Variants in PBRM1 observed in about 807,000 individuals in gnomAD.
PBRM1 encodes the protein polybromo 1.
Under a neutral mutation model 194.5 loss-of-function variants are expected in PBRM1, and 27 were observed. That is an observed-to-expected ratio of 0.14 (90% CI 0.10 to 0.19). PBRM1 has a LOEUF of 0.19. PBRM1 is among the 10% of genes least tolerant of loss of function. The pLI is 1.00. For synonymous variants in PBRM1, 655 were observed against 693.2 expected (o/e 0.94, Z 0.87); for missense variants, 1,466 against 2,077.2 (o/e 0.71, Z 5.72).
intron 16 of PBRM1, among the ~76,000 whole-genome samples, chr3:52,604,735 T>A (rs946083533): frequency 2.7e-5 from 4 of 150,652 alleles, no homozygotes; most frequent in African/African-American, 9.7e-5. Context: ...TTGTGGTGGC[T>A]CACACCTACA....
At chr3:52,669,878 T>C (rs1048700945) in intron 2 of PBRM1, among the ~76,000 whole-genome samples, 4 of 152,188 alleles carry the variant, frequency 2.6e-5, no homozygotes, top group Admixed American at 2.0e-4. Context: ...AGTTGACCAC[T>C]GAACTGTGCA....
chr3:52,619,955 C>A (rs1036065179), intron 13 of PBRM1, among the ~76,000 whole-genome samples: 1 of 152,172 alleles, frequency 6.6e-6, no homozygotes, highest in African/African-American at 2.4e-5. Context: ...TGCTTATTTC[C>A]TGCTCATTGT....
rs748953547 is a variant in PBRM1, at chr3:52,629,045, A to T, written c.1302-10T>A. Reference sequence around the variant, plus strand: ...ATTCTTCAGTTTTGTTCTGTGAAAGACAAAGAAATTGCTAGAATTTTCTGT... The same window carrying T: ...ATTCTTCAGTTTTGTTCTGTGAAAGTCAAAGAAATTGCTAGAATTTTCTGT... On this transcript the variant is annotated splice_polypyrimidine_tract_variant and intron_variant, in intron 11 of 29. Coordinates refer to ENST00000296302, the Ensembl canonical transcript of PBRM1. The T allele has an allele frequency of 1.3e-6, 2 of 1,578,636 alleles. No individual in the cohort carries two copies. The highest frequency in any genetic ancestry group is 1.7e-6 in the Non-Finnish European group (2 of 1,161,500).
rs1168998355 is a variant in PBRM1, at chr3:52,592,122, G to GTTT, written c.2780-2870_2780-2868dup. On this transcript the variant is annotated intron_variant, in intron 17 of 29. Coordinates refer to ENST00000296302, the Ensembl canonical transcript of PBRM1. ...TTACAGGTGTGAGCCACTGCACCAG[G>GTTT]TTTTTTTTTTTTTTTTTTTTTTAAG... Among the ~76,000 whole-genome samples, 418 of 120,268 alleles carry GTTT rather than the reference G, an allele frequency of 3.5e-3. 4 individuals carry two copies. Among genetic ancestry groups the GTTT allele is most frequent in the South Asian group, 0.016 (62 of 3,776 alleles). The allele number at this position is 120,268 out of a possible 152,430, so 78.9% of individuals were successfully genotyped here.
At chr3:52,611,225 T>C (rs1204077736) in intron 15 of PBRM1, among the ~76,000 whole-genome samples, 1 of 152,200 alleles carries the variant, frequency 6.6e-6, no homozygotes, top group Non-Finnish European at 1.5e-5. Flanking sequence ...AATCAAATAT[T>C]AGATAAGGCA....
chr3:52,576,465 C>A (rs1306385032), intron 22 of PBRM1, 76 bp downstream of exon 24: 55 of 1,155,100 alleles, frequency 4.8e-5, no homozygotes, highest in Non-Finnish European at 6.2e-5. Context: ...ACACCTAGAA[C>A]AGTGCCCCAC....
chr3:52,644,647 T>C (rs2153730492), intron 8 of PBRM1, 57 bp downstream of exon 9: 3 of 757,534 alleles, frequency 4.0e-6, no homozygotes, highest in South Asian at 3.3e-5. Context: ...CCTCCCAAAG[T>C]GCTGAGATTA....
chr3:52,609,541 T>C lies in PBRM1; in HGVS notation c.2339A>G (p.Glu780Gly). 6.2e-7 allele frequency: 1 copy of C among 1,613,998 alleles called. No individual in the cohort carries two copies. The highest frequency in any genetic ancestry group is 8.5e-7 in the Non-Finnish European group (1 of 1,179,890). ...TGACACAAAAAGATTGTGGATAAGC[T>C]CTTGAATCAGCAAAGTCACATTTGG... is the stretch of plus-strand genomic sequence containing the variant. Residue 780 changes from glutamate to glycine, a missense_variant, in exon 16 of 30, where the codon GAG (glutamate) becomes GGG (glycine). This residue lies in a region of PBRM1 where 687 missense variants were observed against 946.2 expected (regional missense o/e 0.73). Transcript: ENST00000296302. This position sits in a 1 kb window ranked among gnomAD's most constrained non-coding sequence, Gnocchi z 4.1.
intron 11 of PBRM1, among the ~76,000 whole-genome samples, chr3:52,630,848 G>C (rs1325710208): frequency 6.6e-6 from 1 of 152,180 alleles, no homozygotes; most frequent in African/African-American, 2.4e-5. Flanking sequence ...TGTGTTGGCA[G>C]GGGACTGAGC....
chr3:52,583,191 T>A (rs2091720250), intron 20 of PBRM1, among the ~76,000 whole-genome samples: 1 of 149,764 alleles, frequency 6.7e-6, no homozygotes, highest in Non-Finnish European at 1.5e-5. Flanking sequence ...AGGCGGATCA[T>A]CAGAGGTCAG....
intron 22 of PBRM1, among the ~76,000 whole-genome samples, chr3:52,574,753 G>C (rs1344050420): frequency 6.6e-6 from 1 of 152,194 alleles, no homozygotes; most frequent in Admixed American, 6.5e-5. Context: ...TTGAAGGTGT[G>C]CTCCACCATA....
chr3:52,647,848 G>A (rs183964232), intron 7 of PBRM1, among the ~76,000 whole-genome samples: 2 of 152,128 alleles, frequency 1.3e-5, no homozygotes, highest in Admixed American at 6.6e-5. Flanking sequence ...CATAAAGGGC[G>A]ACTGTTAATT....
At chr3:52,601,596 G>A (rs1376127928) in intron 17 of PBRM1, among the ~76,000 whole-genome samples, 2 of 152,012 alleles carry the variant, frequency 1.3e-5, no homozygotes, top group East Asian at 1.9e-4. Flanking sequence ...GGGGGGTGGG[G>A]AGGAGGTGGG....
At chr3:52,613,767 G>T (rs1367980836) in intron 15 of PBRM1, among the ~76,000 whole-genome samples, 1 of 151,940 alleles carries the variant, frequency 6.6e-6, no homozygotes, top group South Asian at 2.1e-4. Context: ...AGGCAGGAGG[G>T]TCGCTTGAGC....
chr3:52,641,912 T>A (rs752212554), intron 10 of PBRM1, 42 bp downstream of exon 11: 37 of 1,106,368 alleles, frequency 3.3e-5, no homozygotes, highest in Admixed American at 5.1e-5. Context: ...GCTAGAAGGA[T>A]CCACTAAGAA....
intron 22 of PBRM1, among the ~76,000 whole-genome samples, chr3:52,574,101 C>G (rs1237664360): frequency 6.6e-6 from 1 of 152,188 alleles, no homozygotes; most frequent in East Asian, 1.9e-4. Context: ...GCTGCTATAA[C>G]AGAATACCAC....
chr3:52,650,232 A>C (rs900447971), intron 6 of PBRM1, among the ~76,000 whole-genome samples: 1 of 151,820 alleles, frequency 6.6e-6, no homozygotes, highest in Non-Finnish European at 1.5e-5. Flanking sequence ...GTTTGGTGGC[A>C]GGCGCCTATA....
At chr3:52,593,082 A>G (rs1437154236) in intron 17 of PBRM1, among the ~76,000 whole-genome samples, 2 of 152,108 alleles carry the variant, frequency 1.3e-5, no homozygotes, top group Non-Finnish European at 2.9e-5. Flanking sequence ...CATCTTACCA[A>G]CTTTTTCAAA....
At chr3:52,633,025 G>C (rs2095671901) in intron 11 of PBRM1, among the ~76,000 whole-genome samples, 1 of 152,048 alleles carries the variant, frequency 6.6e-6, no homozygotes, top group Non-Finnish European at 1.5e-5. Flanking sequence ...TAAGTGTACA[G>C]TTTAGTAGTA....
Sources: allele counts gnomAD v4.1 joint callset (sites outside exome capture counted in the v4.1 genomes callset), GRCh38; gene constraint gnomAD v4.1.1; regional missense constraint gnomAD v4.1.1; non-coding constraint Gnocchi (gnomAD v3.1); transcripts MANE v1.5; gene names NCBI Gene and HGNC (gene_info 2026-07-23, HGNC 2026-07-21).